Variants in TXNDC12 observed in about 807,000 individuals in gnomAD.
TXNDC12 encodes the protein thioredoxin domain containing 12.
A neutral mutation model predicts 24.2 loss-of-function variants in TXNDC12; 22 were observed. The ratio of observed to expected loss-of-function variants is 0.91; its 90% CI spans 0.65 to 1.30. TXNDC12 has a LOEUF of 1.30. Ranked by LOEUF, TXNDC12 falls within the 50% of genes most tolerant of loss-of-function variation. The probability of loss-of-function intolerance (pLI) is 0.00; values close to 1 mark genes in which losing one functional copy is unlikely to be tolerated. For synonymous variants in TXNDC12, 58 were observed against 73.4 expected (o/e 0.79, Z 1.07); for missense variants, 184 against 205.8 (o/e 0.89, Z 0.65).
At chr1:52,038,830 G>A (rs919114788) in intron 2 of TXNDC12, among the ~76,000 whole-genome samples, 10 of 150,842 alleles carry the variant, frequency 6.6e-5, no homozygotes, top group Middle Eastern at 3.2e-3. Flanking sequence ...TTGGCAAAAA[G>A]TGCAAGGTTT....
At chr1:52,027,107 G>A (rs974448488) in intron 4 of TXNDC12, among the ~76,000 whole-genome samples, 168 bp downstream of exon 4, 1 of 152,020 alleles carries the variant, frequency 6.6e-6, no homozygotes, top group Admixed American at 6.6e-5. Flanking sequence ...GATGTTAGAT[G>A]GCTTTCTAAC....
intron 1 of TXNDC12, 49 bp from the exon 2 acceptor site, chr1:52,041,646 A>G (rs775223429): frequency 7.9e-7 from 1 of 1,270,878 alleles, no homozygotes; most frequent in East Asian, 2.3e-5. Flanking sequence ...CAAAGGGCAC[A>G]GTCCCAAGAA....
chr1:52,045,487 A>G (rs1207012534), intron 1 of TXNDC12, among the ~76,000 whole-genome samples: 2 of 152,224 alleles, frequency 1.3e-5, no homozygotes, highest in African/African-American at 4.8e-5. Flanking sequence ...AGGGAAGATC[A>G]TGTGAAGACA....
At chr1:52,054,774 A>G (rs1418002810) in intron 1 of TXNDC12, among the ~76,000 whole-genome samples, 2 of 152,088 alleles carry the variant, frequency 1.3e-5, no homozygotes, top group Admixed American at 6.6e-5. Context: ...CTTCCCCCCA[A>G]TCCAATAATT....
At chr1:52,054,789 G>A (rs1558000798) in intron 1 of TXNDC12, among the ~76,000 whole-genome samples, 1 of 152,238 alleles carries the variant, frequency 6.6e-6, no homozygotes, top group South Asian at 2.1e-4. Context: ...ATAATTTAGA[G>A]AGGCCTCAAG....
At chr1:52,050,812 T>G (rs1028152433) in intron 1 of TXNDC12, 7 of 166,234 alleles carry the variant, frequency 4.2e-5, no homozygotes, top group African/African-American at 4.8e-5. Flanking sequence ...GTAAACACAC[T>G]TCATATGTGT....
At chr1:52,025,791 G>C (rs1187860502) in intron 4 of TXNDC12, among the ~76,000 whole-genome samples, 2 of 151,854 alleles carry the variant, frequency 1.3e-5, no homozygotes, top group Non-Finnish European at 2.9e-5. Flanking sequence ...GTGTTCACAA[G>C]AGTCCCAGAC....
chr1:52,052,117 G>A (rs183428195), intron 1 of TXNDC12, among the ~76,000 whole-genome samples: 1 of 152,272 alleles, frequency 6.6e-6, no homozygotes, highest in Non-Finnish European at 1.5e-5. Context: ...TGCTCCTGCA[G>A]CTACCTGGTA....
chr1:52,041,407 CTGT>C (rs1264706939), intron 2 of TXNDC12, 127 bp downstream of exon 2: 2 of 534,450 alleles, frequency 3.7e-6, no homozygotes, highest in Non-Finnish European at 6.7e-6. Flanking sequence ...ATTATTATTG[CTGT>C]TGTTGTAATT....
intron 2 of TXNDC12, among the ~76,000 whole-genome samples, chr1:52,038,786 G>A (rs1392271944): frequency 6.6e-6 from 1 of 151,778 alleles, no homozygotes; most frequent in Non-Finnish European, 1.5e-5. Context: ...TAGTACCCAT[G>A]TAAAAGCTAC....
intron 2 of TXNDC12, chr1:52,033,716 G>C: frequency 6.2e-7 from 1 of 1,610,456 alleles, no homozygotes; most frequent in Non-Finnish European, 8.5e-7. Context: ...TCAGCACGCC[G>C]GCTCTTGCCG....
At chr1:52,032,653 G>A (rs771997363) in intron 2 of TXNDC12, 3 of 1,546,008 alleles carry the variant, frequency 1.9e-6, no homozygotes, top group Non-Finnish European at 2.6e-6. Flanking sequence ...GAAATAAAGT[G>A]GAGTGGAGAT....
chr1:52,032,415 C>G, intron 2 of TXNDC12: 1 of 1,183,588 alleles, frequency 8.4e-7, no homozygotes, highest in Non-Finnish European at 1.0e-6. Context: ...CTGTGATAGC[C>G]CAAGTAGGAT....
intron 1 of TXNDC12, chr1:52,044,185 C>G (rs909154837): frequency 1.3e-5 from 2 of 152,210 alleles, no homozygotes; most frequent in African/African-American, 4.8e-5. Context: ...ATAAAATGGA[C>G]TTTCAGAATG....
intron 4 of TXNDC12, among the ~76,000 whole-genome samples, chr1:52,026,357 C>T (rs1448330532): frequency 6.6e-6 from 1 of 152,112 alleles, no homozygotes; most frequent in Non-Finnish European, 1.5e-5. Context: ...AAAATCCCTT[C>T]CAACTCTAAG....
At chr1:52,047,102 A>G (rs1307077568) in intron 1 of TXNDC12, among the ~76,000 whole-genome samples, 2 of 152,058 alleles carry the variant, frequency 1.3e-5, no homozygotes, top group Non-Finnish European at 2.9e-5. Context: ...ATGATACAAT[A>G]AAGATAGGAA....
intron 1 of TXNDC12, among the ~76,000 whole-genome samples, chr1:52,048,473 TAAAAAA>T (rs57230386): frequency 1.7e-5 from 2 of 118,776 alleles, no homozygotes; most frequent in South Asian, 2.7e-4. Flanking sequence ...TTCTTTTCTT[TAAAAAA>T]AAAAAAAAAA....
intron 1 of TXNDC12, among the ~76,000 whole-genome samples, chr1:52,042,837 G>C (rs991983302): frequency 1.3e-5 from 2 of 152,108 alleles, no homozygotes; most frequent in Non-Finnish European, 2.9e-5. Context: ...GGTCAGGCTG[G>C]TCTTGAACTC....
Position 52,033,325 on chromosome 1 carries a change from G to A in TXNDC12, c.159-4695C>T, listed in dbSNP as rs199766567. ...TTCCCTGAGGACGCTGCTGCCCGCC[G>A]CCTGGGCTCTCCCGTCCTCCTCAGC... On this transcript the variant is annotated intron_variant, in intron 2 of 6. Transcript: ENST00000371626. The A allele has an allele frequency of 3.9e-5, 63 of 1,613,842 alleles. No individual in the cohort carries two copies. The East Asian group carries it at 1.3e-3, about 34-fold the overall frequency.
Sources: allele counts gnomAD v4.1 joint callset (sites outside exome capture counted in the v4.1 genomes callset), GRCh38; gene constraint gnomAD v4.1.1; transcripts MANE v1.5; gene names NCBI Gene and HGNC (gene_info 2026-07-23, HGNC 2026-07-21).